AFG3L2: variants seen among roughly 807,000 people sequenced by gnomAD.
The protein encoded by AFG3L2 is mitochondrial inner membrane m-AAA protease component AFG3L2.
In AFG3L2, 54 loss-of-function variants were observed where a neutral mutation model predicts 94.5. The observed-to-expected ratio is 0.57, with a 90% CI of 0.46 to 0.72. The LOEUF (loss-of-function observed/expected upper bound fraction) is 0.72. Ranked by LOEUF, AFG3L2 falls within the 30% of genes least tolerant of loss-of-function variation. The probability of loss-of-function intolerance (pLI) is 0.00; values close to 1 mark genes in which losing one functional copy is unlikely to be tolerated. For synonymous variants in AFG3L2, 377 were observed against 365.5 expected (o/e 1.03, Z -0.36); for missense variants, 754 against 994.9 (o/e 0.76, Z 3.26).
At position 12,377,096 on chromosome 18, in the gene AFG3L2, G is replaced by A; in HGVS notation, c.-14C>T. The A allele has an allele frequency of 1.4e-6, 2 of 1,394,072 alleles. No homozygotes were observed. Among genetic ancestry groups the A allele is most frequent in the Non-Finnish European group, 9.3e-7 (1 of 1,071,052 alleles). 86.4% of individuals were successfully genotyped at this position (1,394,072 alleles called of 1,614,324 possible). A position where few individuals can be genotyped will look rare whatever the true frequency, so the allele number is the denominator to read the frequency against. On this transcript the variant is annotated 5_prime_UTR_variant, in exon 1 of 17. Coordinates refer to ENST00000269143, the MANE Select transcript of AFG3L2 (RefSeq NM_006796.3). ...GCGGTGCGCCATGGCCGCCGCCGTGGCCCTCTCGGCCCGGGACGCTGCGCA... is the reference window on the plus strand; with the variant it reads ...GCGGTGCGCCATGGCCGCCGCCGTGACCCTCTCGGCCCGGGACGCTGCGCA...
Position 12,351,419 on chromosome 18 carries a change from A to C in AFG3L2, c.1319-6T>G, listed in dbSNP as rs747793869. On this transcript the variant is annotated splice_polypyrimidine_tract_variant and splice_region_variant and intron_variant, in intron 10 of 16. Coordinates refer to ENST00000269143, the MANE Select transcript of AFG3L2 (RefSeq NM_006796.3). ...ATTTGTTGTTGTATTAAAACCTGAAAGATAACAAAAATGCAAACACTATTA... is the reference window on the plus strand; with the variant it reads ...ATTTGTTGTTGTATTAAAACCTGAACGATAACAAAAATGCAAACACTATTA... 4.3e-6 allele frequency: 7 copies of C among 1,613,682 alleles called. No individual in the cohort carries two copies. Among genetic ancestry groups the C allele is most frequent in the Non-Finnish European group, 5.9e-6 (7 of 1,179,608 alleles).
At chr18:12,370,195 A>G (rs944221983) in intron 3 of AFG3L2, among the ~76,000 whole-genome samples, 16 of 152,162 alleles carry the variant, frequency 1.1e-4, no homozygotes, top group African/African-American at 3.9e-4. Flanking sequence ...GCAATTTTTA[A>G]AACACTGCCC....
At chr18:12,339,256 A>C (rs2143119540) in intron 15 of AFG3L2, among the ~76,000 whole-genome samples, 1 of 149,776 alleles carries the variant, frequency 6.7e-6, no homozygotes, top group South Asian at 2.1e-4. Context: ...AAAAAAAAAA[A>C]AAAAAAGGTT....
intron 16 of AFG3L2, among the ~76,000 whole-genome samples, chr18:12,332,940 C>CATATACTACATAAT (rs1568131835): frequency 1.8e-5 from 2 of 112,214 alleles, no homozygotes; most frequent in South Asian, 4.9e-4. Flanking sequence ...TACTATATAA[C>CATATACTACATAAT]ATATAATATA....
intron 1 of AFG3L2, 98 bp from the exon 2 acceptor site, chr18:12,371,789 C>T: frequency 1.0e-6 from 1 of 966,102 alleles, no homozygotes; most frequent in Non-Finnish European, 1.6e-6. Context: ...AGGTCTCTCT[C>T]TTCCACAGGT....
At chr18:12,332,951 T>TATTA (rs1240845231) in intron 16 of AFG3L2, among the ~76,000 whole-genome samples, 5 of 110,946 alleles carry the variant, frequency 4.5e-5, no homozygotes, top group African/African-American at 6.6e-5. Flanking sequence ...ATATAATATA[T>TATTA]TATATACTAT....
intron 12 of AFG3L2, among the ~76,000 whole-genome samples, chr18:12,348,955 C>T (rs1306323178): frequency 6.6e-6 from 1 of 152,126 alleles, no homozygotes; most frequent in Admixed American, 6.5e-5. Context: ...AATATTAAAA[C>T]ATTATAAATT....
At chr18:12,364,330 C>T (rs1309061441) in intron 5 of AFG3L2, among the ~76,000 whole-genome samples, 1 of 152,196 alleles carries the variant, frequency 6.6e-6, no homozygotes, top group East Asian at 1.9e-4. Flanking sequence ...GCCTGTTACA[C>T]ATTTCTCACA....
intron 16 of AFG3L2, among the ~76,000 whole-genome samples, chr18:12,335,129 G>A (rs1282232400): frequency 6.6e-6 from 1 of 152,026 alleles, no homozygotes; most frequent in Admixed American, 6.6e-5. Flanking sequence ...TTCCTTGTGG[G>A]CCCTAAAACC....
intron 7 of AFG3L2, among the ~76,000 whole-genome samples, 185 bp downstream of exon 7, chr18:12,359,741 CA>C (rs927095114): frequency 3.5e-5 from 5 of 141,512 alleles, no homozygotes; most frequent in Admixed American, 7.1e-5. Flanking sequence ...AACCCCACCT[CA>C]AAAAAAAAAG....
rs1399438718 is a variant in AFG3L2 at position 12,337,384 on chromosome 18, C to A, written c.2132G>T (p.Arg711Ile). ...CTTTTCTGTGAGAAGAGCTACTGTT[C>A]TTTTATAAGCATCATTAATAAGTAT... ...VRILINDAYK[R>I]TVALLTEKKA... The change falls in exon 16 of 17, where the codon AGA becomes ATA. Residue 711 changes from arginine to isoleucine, a missense_variant. This residue lies in a region of AFG3L2 where 279 missense variants were observed against 378.6 expected (regional missense o/e 0.74). Transcript: ENST00000269143. The A allele has an allele frequency of 6.8e-6, 11 of 1,614,146 alleles. No homozygotes were observed. The highest frequency in any genetic ancestry group is 8.5e-6 in the Non-Finnish European group (10 of 1,179,994).
At chr18:12,359,859 A>G (rs1264687079) in intron 7 of AFG3L2, 68 bp downstream of exon 7, 2 of 1,597,102 alleles carry the variant, frequency 1.3e-6, no homozygotes, top group Non-Finnish European at 1.7e-6. Context: ...CCCTGCACCC[A>G]GGGACAGAAC....
At chr18:12,349,984 T>C (rs1908262687) in intron 12 of AFG3L2, among the ~76,000 whole-genome samples, 1 of 147,442 alleles carries the variant, frequency 6.8e-6, no homozygotes, top group South Asian at 2.1e-4. Context: ...TTATATAATA[T>C]GTACAGAATA....
intron 3 of AFG3L2, among the ~76,000 whole-genome samples, chr18:12,369,614 T>C (rs1908914315): frequency 1.3e-5 from 2 of 149,172 alleles, no homozygotes. Context: ...CCAGCTACTG[T>C]GGAGGCTGAG....
intron 15 of AFG3L2, among the ~76,000 whole-genome samples, chr18:12,339,342 C>G (rs1907863274): frequency 6.7e-6 from 1 of 150,150 alleles, no homozygotes; most frequent in Non-Finnish European, 1.5e-5. Context: ...CACCTGAGGT[C>G]AGGAGTTCAA....
chr18:12,342,818 A>G (rs886956269), intron 14 of AFG3L2: 6 of 152,176 alleles, frequency 3.9e-5, no homozygotes, highest in African/African-American at 1.4e-4. Context: ...CTGTGAACCA[A>G]AAGTTTGTGG....
intron 6 of AFG3L2, 141 bp from the exon 7 acceptor site, chr18:12,360,192 C>T (rs1908617111): frequency 2.5e-6 from 2 of 802,086 alleles, no homozygotes; most frequent in South Asian, 3.7e-5. Context: ...AAAAGACTGG[C>T]TTTAATAATG....
At position 12,371,576 on chromosome 18, in the gene AFG3L2, A is replaced by G. The variant is rs772980464; in HGVS notation, c.214+16T>C. On this transcript the variant is annotated intron_variant, in intron 2 of 16. Transcript: ENST00000269143. ...CCTAAGAATGTAGAACACTACAGCCACACCTAAGCATTTACCTTTTGGGGG... is the reference window on the plus strand; with the variant it reads ...CCTAAGAATGTAGAACACTACAGCCGCACCTAAGCATTTACCTTTTGGGGG... The G allele has an allele frequency of 6.2e-7, 1 of 1,608,260 alleles. No individual in the cohort carries two copies.
chr18:12,370,964 A>T, intron 2 of AFG3L2, 38 bp from the exon 3 acceptor site: 1 of 1,261,602 alleles, frequency 7.9e-7, no homozygotes. Context: ...TCTTCAAACT[A>T]AAATTCATCA....
Sources: allele counts gnomAD v4.1 joint callset (sites outside exome capture counted in the v4.1 genomes callset), GRCh38; gene constraint gnomAD v4.1.1; regional missense constraint gnomAD v4.1.1; transcripts MANE v1.5; gene names NCBI Gene and HGNC (gene_info 2026-07-23, HGNC 2026-07-21).